The following TENM2 variants were observed in gnomAD, a reference collection of about 807,000 sequenced individuals.
TENM2 encodes the protein teneurin transmembrane protein 2.
TENM2 carries 52 observed loss-of-function variants against 245.2 expected under a neutral mutation model. The observed-to-expected ratio is 0.21, with a 90% CI of 0.17 to 0.27. The LOEUF is 0.27. Ranked by LOEUF, TENM2 falls within the 10% of genes least tolerant of loss-of-function variation. The pLI, the probability that TENM2 is intolerant of heterozygous loss-of-function variation, is 1.00. For missense variants in TENM2, 3,046 were observed against 3,666.8 expected (o/e 0.83, Z 4.37); for synonymous variants, 1,363 against 1,438.9 (o/e 0.95, Z 1.19).
the TENM2 span, among the ~76,000 whole-genome samples, chr5:166,988,466 C>G: frequency 7.9e-5 from 12 of 152,166 alleles, no homozygotes; most frequent in South Asian, 2.1e-4. Context: ...TACCACTCAC[C>G]AAATTGCAGA....
intron 8 of TENM2, among the ~76,000 whole-genome samples, chr5:168,092,074 T>C (rs1792990863): frequency 6.6e-6 from 1 of 152,220 alleles, no homozygotes; most frequent in Admixed American, 6.5e-5. Context: ...GATTACATTT[T>C]AAGAACTTTT....
At chr5:167,374,865 A>G (rs1224394696) in intron 1 of TENM2, among the ~76,000 whole-genome samples, 1 of 152,184 alleles carries the variant, frequency 6.6e-6, no homozygotes. Flanking sequence ...GTGCACAAGT[A>G]AGCACTTGGT....
At chr5:167,404,092 GA>G (rs1344209833) in intron 2 of TENM2, among the ~76,000 whole-genome samples, 1 of 151,964 alleles carries the variant, frequency 6.6e-6, no homozygotes, top group Non-Finnish European at 1.5e-5. Context: ...CTTTCATGAA[GA>G]AAATGACACT....
intron 5 of TENM2, among the ~76,000 whole-genome samples, chr5:168,015,974 A>G (rs1229345922): frequency 6.6e-6 from 1 of 152,200 alleles, no homozygotes; most frequent in Non-Finnish European, 1.5e-5. Flanking sequence ...GCTGGAGAGA[A>G]GCGGCACAAA....
chr5:167,449,555 GATAGA>G, intron 2 of TENM2, among the ~76,000 whole-genome samples: 1 of 145,156 alleles, frequency 6.9e-6, no homozygotes, highest in African/African-American at 2.6e-5. Context: ...TAGATAGATA[GATAGA>G]TAGATAGATA....
chr5:167,585,276 A>T (rs1775407485), intron 2 of TENM2, among the ~76,000 whole-genome samples: 1 of 152,222 alleles, frequency 6.6e-6, no homozygotes, highest in Non-Finnish European at 1.5e-5. Flanking sequence ...GTCTCTGATC[A>T]TGTAATTTAT....
chr5:167,404,706 T>G (rs1762535742), intron 2 of TENM2, among the ~76,000 whole-genome samples: 1 of 152,170 alleles, frequency 6.6e-6, no homozygotes, highest in South Asian at 2.1e-4. Flanking sequence ...GTTGGTCATC[T>G]CTTTCTGCTT....
At chr5:167,015,748 T>C in the TENM2 span, among the ~76,000 whole-genome samples, 1 of 152,340 alleles carries the variant, frequency 6.6e-6, no homozygotes, top group East Asian at 1.9e-4. Flanking sequence ...AATCAAGTTA[T>C]GTTCTACAAG....
At chr5:167,638,470 C>T (rs912500740) in intron 2 of TENM2, among the ~76,000 whole-genome samples, 1 of 152,148 alleles carries the variant, frequency 6.6e-6, no homozygotes, top group Non-Finnish European at 1.5e-5. Flanking sequence ...GAGAAAACTA[C>T]TGGGCTGAGC....
intron 3 of TENM2, among the ~76,000 whole-genome samples, chr5:167,902,169 G>T (rs952321523): frequency 2.0e-5 from 3 of 152,130 alleles, no homozygotes; most frequent in Non-Finnish European, 2.9e-5. Context: ...AGAGTGGAGT[G>T]GGGAGTGGGG....
At chr5:167,224,357 A>G in the TENM2 span, among the ~76,000 whole-genome samples, 9 of 151,966 alleles carry the variant, frequency 5.9e-5, no homozygotes, top group Non-Finnish European at 1.2e-4. Context: ...TCTTGAGTTG[A>G]TTGCTGGACG....
the TENM2 span, among the ~76,000 whole-genome samples, chr5:167,234,956 G>T: frequency 3.9e-5 from 6 of 152,082 alleles, no homozygotes; most frequent in Non-Finnish European, 8.8e-5. Context: ...CTTTATCCAT[G>T]ACAATCTTTC....
At chr5:167,155,955 A>C in the TENM2 span, among the ~76,000 whole-genome samples, 4 of 151,992 alleles carry the variant, frequency 2.6e-5, no homozygotes, top group Non-Finnish European at 4.4e-5. Context: ...TTCTGTTGTC[A>C]CTCTTGAGCG....
At chr5:167,519,059 T>G (rs986805425) in intron 2 of TENM2, among the ~76,000 whole-genome samples, 11 of 152,152 alleles carry the variant, frequency 7.2e-5, no homozygotes, top group African/African-American at 2.7e-4. Flanking sequence ...CTTTCCTCTT[T>G]TAGTGCAAGG....
chr5:167,421,897 A>G (rs573700368), intron 2 of TENM2, among the ~76,000 whole-genome samples: 11 of 152,186 alleles, frequency 7.2e-5, no homozygotes, highest in South Asian at 4.2e-4. Context: ...GGTTCAAGCA[A>G]TTCTCTGCCT....
intron 4 of TENM2, among the ~76,000 whole-genome samples, chr5:167,984,451 T>C (rs893558038): frequency 6.6e-6 from 1 of 151,938 alleles, no homozygotes; most frequent in African/African-American, 2.4e-5. Context: ...AGGTCAGGAG[T>C]TTGAGACCAG....
At chr5:167,143,075 A>G in the TENM2 span, among the ~76,000 whole-genome samples, 1 of 152,146 alleles carries the variant, frequency 6.6e-6, no homozygotes, top group South Asian at 2.1e-4. Flanking sequence ...CACACTGTCC[A>G]TTTGCTTGGT....
the TENM2 span, among the ~76,000 whole-genome samples, chr5:167,067,077 A>G: frequency 6.6e-6 from 1 of 152,204 alleles, no homozygotes; most frequent in Non-Finnish European, 1.5e-5. Context: ...ACATTATTCT[A>G]GGCATGCAAT....
chr5:167,477,865 G>GA (rs1323925504), intron 2 of TENM2, among the ~76,000 whole-genome samples: 2 of 151,902 alleles, frequency 1.3e-5, no homozygotes, highest in Non-Finnish European at 2.9e-5. Context: ...AAGAAGGGAA[G>GA]AAAAAAGCAA....
Sources: allele counts gnomAD v4.1 joint callset (sites outside exome capture counted in the v4.1 genomes callset), GRCh38; gene constraint gnomAD v4.1.1; transcripts MANE v1.5; gene names NCBI Gene and HGNC (gene_info 2026-07-23, HGNC 2026-07-21).